Variants in TSFM observed in about 807,000 individuals in gnomAD.
TSFM encodes Ts translation elongation factor, mitochondrial.
TSFM carries 29 observed loss-of-function variants against 33.4 expected under a neutral mutation model. The observed-to-expected ratio is 0.87, with a 90% CI of 0.65 to 1.18. The LOEUF is 1.18. TSFM is among the 50% of genes most tolerant of loss of function. The pLI, the probability that TSFM is intolerant of heterozygous loss-of-function variation, is 0.00. For synonymous variants in TSFM, 178 were observed against 163.5 expected, an observed-to-expected ratio of 1.09 and a Z score of -0.68; for missense variants, 394 against 395.6, an observed-to-expected ratio of 1.00 and a Z score of 0.04.
intron 4 of TSFM, among the ~76,000 whole-genome samples, chr12:57,790,060 C>CTTTTTTTTTTTTTTT (rs35382401): frequency 9.5e-6 from 1 of 105,440 alleles, no homozygotes; most frequent in Non-Finnish European, 1.8e-5. Flanking sequence ...TTCTTTCTTT[C>CTTTTTTTTTTTTTTT]TTTTTTTTTT....
At chr12:57,784,130 A>G in intron 2 of TSFM, 1 of 702,600 alleles carries the variant, frequency 1.4e-6, no homozygotes, top group Non-Finnish European at 2.6e-6. Context: ...CCGTTACAAA[A>G]TGTTACTGGA....
rs746571961 is a variant in TSFM at position 57,796,320 on chromosome 12, A to T, written c.715A>T (p.Ile239Phe). ...GCTGGGGAAGTATGGGGCCCTGGTC[A>T]TCTGTGAGACGTCTGAACAGAAAAC... Reference protein sequence around the residue: ...LVLGKYGALVICETSEQKTNL... With the variant: ...LVLGKYGALVFCETSEQKTNL... Residue 239 changes from isoleucine to phenylalanine, a missense_variant, in exon 6 of 6, where the codon ATC (isoleucine) becomes TTC (phenylalanine). By Grantham distance (21) the Ile-to-Phe change is conservative. Around this residue, in one of 3 missense-constraint regions of TSFM, gnomAD observed 186 missense variants for 198.8 expected, o/e 0.94. Transcript: ENST00000652027. 7 of 1,611,178 alleles carry T rather than the reference A, an allele frequency of 4.3e-6. No individual in the cohort carries two copies. Among genetic ancestry groups the T allele is most frequent in the Non-Finnish European group, 4.2e-6 (5 of 1,178,636 alleles).
In TSFM at chr12:57,783,256, G is replaced by A. The variant is rs1955538600; in HGVS notation, c.204G>A (p.Leu68=). The change falls in exon 2 of 6, where the codon CTG becomes CTA. Residue 68 remains leucine (L), a synonymous_variant. Coordinates refer to ENST00000652027, the MANE Select transcript of TSFM (RefSeq NM_005726.6). ...CCTTTGTAAATTGCAAGAAAGCTCT[G>A]GAGACTTGTGGCGGGGACCTCAAAC... ...GYSFVNCKKA[L]ETCGGDLKQA... 6.2e-7 allele frequency: 1 copy of A among 1,613,922 alleles called. No individual in the cohort carries two copies. The highest frequency in any genetic ancestry group is 8.5e-7 in the Non-Finnish European group (1 of 1,179,896).
downstream of TSFM, chr12:57,802,385 C>A: frequency 6.4e-7 from 1 of 1,569,396 alleles, no homozygotes; most frequent in East Asian, 2.3e-5. Context: ...TTACTGTGTT[C>A]ATACCAAGGA....
intron 5 of TSFM, 33 bp from the exon 6 acceptor site, chr12:57,796,144 T>C: frequency 1.9e-6 from 3 of 1,538,568 alleles, no homozygotes; most frequent in Non-Finnish European, 2.6e-6. Context: ...CACAATTTGT[T>C]GGTGTGTTGG....
chr12:57,802,579 T>A, downstream of TSFM: 1 of 714,022 alleles, frequency 1.4e-6, no homozygotes, highest in South Asian at 1.5e-5. Flanking sequence ...ATTGGAGCTG[T>A]CTCTGAACTT....
chr12:57,792,706 T>G (rs1955678329), intron 4 of TSFM, among the ~76,000 whole-genome samples: 1 of 151,966 alleles, frequency 6.6e-6, no homozygotes, highest in African/African-American at 2.4e-5. Context: ...GATTCTCACG[T>G]CTCAGGCTCC....
chr12:57,784,078 A>G lies in TSFM; in HGVS notation c.231+795A>G, dbSNP rs558015128. ...AACCTAGATGGTATATTGTACTACA[A>G]CCTGGGCTATATGGAATTGCCAGCT... On this transcript the variant is annotated intron_variant, in intron 2 of 5. Coordinates refer to ENST00000652027, the MANE Select transcript of TSFM (RefSeq NM_005726.6). 1.1e-4 allele frequency: 79 copies of G among 702,796 alleles called. 1 individual carries two copies. The highest frequency in any genetic ancestry group is 5.3e-4 in the South Asian group (36 of 67,600). The allele number at this position is 702,796 out of a possible 1,614,324, so 43.5% of individuals were successfully genotyped here. A position where few individuals can be genotyped will look rare whatever the true frequency, so the allele number is the denominator to read the frequency against.
chr12:57,782,884 A>G, intron 1 of TSFM, 26 bp downstream of exon 1: 3 of 1,578,148 alleles, frequency 1.9e-6, no homozygotes, highest in Non-Finnish European at 2.6e-6. Context: ...GCTGGTACCG[A>G]CCTGCTGTCC....
downstream of TSFM, chr12:57,800,504 AT>A (rs2140436457): frequency 6.5e-6 from 1 of 152,952 alleles, no homozygotes; most frequent in Non-Finnish European, 1.5e-5. Flanking sequence ...TCAGAAATGA[AT>A]AAAAATGTCA....
chr12:57,799,471 T>C (rs1415905753), downstream of TSFM, among the ~76,000 whole-genome samples: 1 of 152,138 alleles, frequency 6.6e-6, no homozygotes. Flanking sequence ...ATTTTAAAGA[T>C]CTCTTTGGCT....
At position 57,796,161 on chromosome 12, in the gene TSFM, GT is replaced by G. The variant is rs1955735046; in HGVS notation, c.572-11del. On this transcript the variant is annotated splice_polypyrimidine_tract_variant and intron_variant, in intron 5 of 5. Transcript: ENST00000652027. ...CAATTTGTTGGTGTGTTGGTTTTTT[GT>G]TTTTGCTTTAATAGGAAAACTGGGA... The G allele has an allele frequency of 6.4e-7, 1 of 1,555,508 alleles. No individual in the cohort carries two copies. The highest frequency in any genetic ancestry group is 8.7e-7 in the Non-Finnish European group (1 of 1,151,278).
In TSFM at chr12:57,782,845, C is replaced by T. The variant is rs200747062; in HGVS notation, c.44C>T (p.Thr15Ile). The part of the protein sequence containing the change: ...RSLRVFLVAR[T>I]GSYPAGSLLR... ...CTGCGCGTGTTTCTGGTCGCGCGGA[C>T]CGGGAGCTACCCGGTGAGAAGTCCT... Residue 15 changes from threonine to isoleucine, a missense_variant, in exon 1 of 6, where the codon ACC becomes ATC. This residue lies in a region of TSFM where 208 missense variants were observed against 180.4 expected (regional missense o/e 1.15). Transcript: ENST00000652027. 20 of 1,594,678 alleles carry T rather than the reference C, an allele frequency of 1.3e-5. No homozygotes were observed. Among genetic ancestry groups the T allele is most frequent in the Middle Eastern group, 1.7e-4 (1 of 6,042 alleles).
At chr12:57,802,325 C>T (rs779622567), downstream of TSFM, 3 of 1,613,030 alleles carry the variant, frequency 1.9e-6, no homozygotes, top group South Asian at 3.3e-5. Context: ...TGGCATTGGC[C>T]TCAGCCCCAA....
In TSFM at chr12:57,797,337, A is replaced by G. The variant is rs559936665; in HGVS notation, c.*754A>G. The G allele has an allele frequency of 9.3e-5, 92 of 985,408 alleles. No homozygotes were observed. In the African/African-American group the frequency reaches 1.5e-3, roughly 16 times the overall value. 61.0% of individuals were successfully genotyped at this position (985,408 alleles called of 1,614,324 possible). A position where few individuals can be genotyped will look rare whatever the true frequency, so the allele number is the denominator to read the frequency against. ...ATTTCTTCAAGTATAACATAAAATT[A>G]CCGTAACAAGCAGACCCAGAATACT... On this transcript the variant is annotated 3_prime_UTR_variant, in exon 6 of 6. Transcript: ENST00000652027.
At chr12:57,802,417 T>TTACCC (rs1181893635), downstream of TSFM, 92 of 1,491,126 alleles carry the variant, frequency 6.2e-5, no homozygotes, top group Non-Finnish European at 8.2e-5. Context: ...ATCATACACA[T>TTACCC]TACCCTATCT....
rs77670568 is a variant in TSFM at position 57,786,261 on chromosome 12, G to A, written c.330G>A (p.Leu110=). 1.9e-6 allele frequency: 3 copies of A among 1,612,238 alleles called. No homozygotes were observed. In the African/African-American group the frequency reaches 4.0e-5, roughly 22 times the overall value. The change falls in exon 3 of 6, where the codon TTG becomes TTA. Residue 110 remains leucine (L), a synonymous_variant. Transcript: ENST00000652027. The stretch of plus-strand genomic sequence containing the variant: ...CCAAAGAAGGCCTGATTGGGCTGTT[G>A]CAGGAAGGAAACACAACTGTATTAG... ...RKTKEGLIGL[L]QEGNTTVLVE...
intron 4 of TSFM, among the ~76,000 whole-genome samples, chr12:57,790,362 C>G (rs888787934): frequency 1.3e-5 from 2 of 152,076 alleles, no homozygotes; most frequent in Non-Finnish European, 2.9e-5. Context: ...ACCACTGCGC[C>G]TGGCCAGGTG....
chr12:57,786,988 T>G, intron 3 of TSFM, 52 bp from the exon 4 acceptor site: 4 of 1,570,444 alleles, frequency 2.5e-6, no homozygotes, highest in Non-Finnish European at 3.5e-6. Context: ...TAAGGCACTT[T>G]TGGAAATTAT....
Sources: gnomAD v4.1 joint callset for allele counts (sites outside exome capture counted in the v4.1 genomes callset) on GRCh38, gnomAD v4.1.1 for gene constraint, gnomAD v4.1.1 regional missense constraint, MANE v1.5 for transcripts, NCBI Gene and HGNC (gene_info 2026-07-23, HGNC 2026-07-21) for gene names.